GNG12: variants seen among roughly 807,000 people sequenced by gnomAD.
GNG12 encodes G protein subunit gamma 12.
For synonymous variants in GNG12, 28 were observed against 29.7 expected (o/e 0.94, Z 0.19); for missense variants, 69 against 83.8 (o/e 0.82, Z 0.69).
chr1:67,736,195 T>C (rs995469456), intron 2 of GNG12, among the ~76,000 whole-genome samples: 4 of 152,134 alleles, frequency 2.6e-5, no homozygotes, highest in Non-Finnish European at 4.4e-5. Flanking sequence ...TTAGGAACCC[T>C]GGCTCCACAA....
At chr1:67,755,142 T>G (rs1646561069) in intron 2 of GNG12, among the ~76,000 whole-genome samples, 1 of 152,254 alleles carries the variant, frequency 6.6e-6, no homozygotes, top group Non-Finnish European at 1.5e-5. Flanking sequence ...CCTTTGACCT[T>G]TCTGTACCTA....
At chr1:67,755,249 T>C (rs545677830) in intron 2 of GNG12, among the ~76,000 whole-genome samples, 10 of 152,242 alleles carry the variant, frequency 6.6e-5, no homozygotes, top group Non-Finnish European at 1.3e-4. Flanking sequence ...GCAGACTACA[T>C]GTGGACTTCT....
At position 67,800,394 on chromosome 1, in the gene GNG12, C is replaced by T. The variant is rs148263836; in HGVS notation, c.-76-22887G>A. 5.9e-4 allele frequency among the ~76,000 whole-genome samples: 90 copies of T among 152,194 alleles called. 4 individuals are homozygous for T. In the East Asian group the frequency reaches 0.016, roughly 27 times the overall value. On this transcript the variant is annotated intron_variant, in intron 1 of 3. Transcript: ENST00000370982. ...TTTAGCAATAAATATAATCATTTTTCTTGAAGTGACAGACTATTCTTTTTT... is the reference window on the plus strand; with the variant it reads ...TTTAGCAATAAATATAATCATTTTTTTTGAAGTGACAGACTATTCTTTTTT...
At chr1:67,792,192 C>A (rs368268589) in intron 1 of GNG12, among the ~76,000 whole-genome samples, 1 of 151,560 alleles carries the variant, frequency 6.6e-6, no homozygotes, top group African/African-American at 2.4e-5. Context: ...ATTCCCTCTC[C>A]TTCACTGGAA....
chr1:67,724,675 C>T (rs1646376446), intron 2 of GNG12, among the ~76,000 whole-genome samples: 1 of 152,162 alleles, frequency 6.6e-6, no homozygotes, highest in Non-Finnish European at 1.5e-5. Context: ...CAGGTGTCAG[C>T]CACCGCGCCT....
At chr1:67,797,681 A>G (rs1274098644) in intron 1 of GNG12, among the ~76,000 whole-genome samples, 1 of 152,204 alleles carries the variant, frequency 6.6e-6, no homozygotes, top group Non-Finnish European at 1.5e-5. Context: ...TAAACTCTCT[A>G]CACTTTGCCA....
intron 2 of GNG12, among the ~76,000 whole-genome samples, chr1:67,717,788 C>T (rs1646334911): frequency 6.6e-6 from 1 of 152,204 alleles, no homozygotes; most frequent in South Asian, 2.1e-4. Context: ...GTACAGCTCT[C>T]GCTCCTTCTC....
rs141003211 is a variant in GNG12 at position 67,745,940 on chromosome 1, C to T, written c.-27+31518G>A. ...CAGTACTTAATAAATACTTATTGAC[C>T]GAATTTGTGGAAAGTATGAATACAT... On this transcript the variant is annotated intron_variant, in intron 2 of 3. Transcript: ENST00000370982. 5.3e-5 allele frequency among the ~76,000 whole-genome samples: 8 copies of T among 152,092 alleles called. No homozygotes were observed. The East Asian group carries it at 5.8e-4, about 11-fold the overall frequency.
rs551396979 is a variant in GNG12, at chr1:67,789,684, C to T, written c.-76-12177G>A. Among the ~76,000 whole-genome samples the T allele has an allele frequency of 7.9e-4, 121 of 152,320 alleles. 1 individual carries two copies. The highest frequency in any genetic ancestry group is 1.5e-3 in the Non-Finnish European group (105 of 68,028). On this transcript the variant is annotated intron_variant, in intron 1 of 3. Coordinates refer to ENST00000370982, the MANE Select transcript of GNG12 (RefSeq NM_018841.6). The stretch of plus-strand genomic sequence containing the variant: ...CTGCTACAGAGTCAGGCGGCACAAT[C>T]GGGCAGGATGCAGCCAAGGGCACTG...
chr1:67,771,338 T>C (rs1156924943), intron 2 of GNG12, among the ~76,000 whole-genome samples: 2 of 152,240 alleles, frequency 1.3e-5, no homozygotes, highest in Non-Finnish European at 2.9e-5. Flanking sequence ...GGCGGATATT[T>C]GACAGATAAG....
intron 1 of GNG12, among the ~76,000 whole-genome samples, chr1:67,793,434 C>G (rs1646812640): frequency 6.6e-6 from 1 of 151,954 alleles, no homozygotes; most frequent in Non-Finnish European, 1.5e-5. Flanking sequence ...AAATCCTATT[C>G]AATTGTTTGG....
chr1:67,708,396 T>C (rs1003440559), intron 2 of GNG12, among the ~76,000 whole-genome samples: 7 of 152,210 alleles, frequency 4.6e-5, no homozygotes, highest in Non-Finnish European at 1.0e-4. Context: ...CTGAAATAAT[T>C]AATAAAACGT....
chr1:67,797,697 G>A (rs916526445), intron 1 of GNG12, among the ~76,000 whole-genome samples: 2 of 152,182 alleles, frequency 1.3e-5, no homozygotes. Flanking sequence ...TGCCAGAAGA[G>A]GTTCTGACCT....
chr1:67,705,294 C>G lies in GNG12; in HGVS notation c.*157G>C. The G allele has an allele frequency of 8.5e-7, 1 of 1,176,104 alleles. No homozygotes were observed. Among genetic ancestry groups the G allele is most frequent in the East Asian group, 2.6e-5 (1 of 39,092 alleles). The allele number at this position is 1,176,104 out of a possible 1,614,324, so 72.9% of individuals were successfully genotyped here. On this transcript the variant is annotated 3_prime_UTR_variant, in exon 4 of 4. Transcript: ENST00000370982. ...GTAAAGGGTATTTTAAGAGAAAGGA[C>G]AACTTGGAAAATAGAGACTTCAGAG...
At position 67,800,261 on chromosome 1, in the gene GNG12, C is replaced by T. The variant is rs190901207; in HGVS notation, c.-76-22754G>A. Among the ~76,000 whole-genome samples the T allele has an allele frequency of 1.6e-4, 25 of 152,268 alleles. No homozygotes were observed. In the East Asian group the frequency reaches 4.4e-3, roughly 27 times the overall value. On this transcript the variant is annotated intron_variant, in intron 1 of 3. Transcript: ENST00000370982. Reference sequence around the variant, plus strand: ...ACAATATTGAAAATGTACTCATTAACGTCATCCCTGATCTCATCAGCAAAG... The same window carrying T: ...ACAATATTGAAAATGTACTCATTAATGTCATCCCTGATCTCATCAGCAAAG...
intron 2 of GNG12, among the ~76,000 whole-genome samples, chr1:67,738,150 T>C (rs530374597): frequency 6.6e-6 from 1 of 152,240 alleles, no homozygotes; most frequent in South Asian, 2.1e-4. Flanking sequence ...TTGCCCAGGC[T>C]GGTCTTGAAC....
chr1:67,775,311 T>C (rs1289570669), intron 2 of GNG12, among the ~76,000 whole-genome samples: 2 of 152,240 alleles, frequency 1.3e-5, no homozygotes, highest in African/African-American at 4.8e-5. Flanking sequence ...TCAGGTTTTG[T>C]ATAAATTTCT....
intron 1 of GNG12, among the ~76,000 whole-genome samples, chr1:67,820,351 C>T (rs1243728324): frequency 1.3e-5 from 2 of 150,970 alleles, no homozygotes; most frequent in East Asian, 3.9e-4. Context: ...CATTATACTC[C>T]AGCCTGGATG....
chr1:67,726,180 T>C (rs1290037788), intron 2 of GNG12, among the ~76,000 whole-genome samples: 3 of 152,234 alleles, frequency 2.0e-5, no homozygotes, highest in Non-Finnish European at 4.4e-5. Context: ...GACCAGGCCA[T>C]GGGTCCCAAG....
Sources: allele counts gnomAD v4.1 joint callset (sites outside exome capture counted in the v4.1 genomes callset), GRCh38; gene constraint gnomAD v4.1.1; transcripts MANE v1.5; gene names NCBI Gene and HGNC (gene_info 2026-07-23, HGNC 2026-07-21).